CDH12: variants seen among roughly 807,000 people sequenced by gnomAD.
The protein encoded by CDH12 is cadherin 12.
A neutral mutation model predicts 74.1 loss-of-function variants in CDH12; 41 were observed. That is an observed-to-expected ratio of 0.55 (90% CI 0.43 to 0.72). The LOEUF (loss-of-function observed/expected upper bound fraction) is 0.72, where lower values mean the gene tolerates loss of function less well. CDH12 is among the 30% of genes least tolerant of loss of function. The pLI is 0.00. For missense variants in CDH12, 945 were observed against 977.2 expected (o/e 0.97, Z 0.44); for synonymous variants, 399 against 355.0 (o/e 1.12, Z -1.39).
At chr5:21,989,253 GA>G (rs1208303845) in intron 5 of CDH12, among the ~76,000 whole-genome samples, 1 of 152,144 alleles carries the variant, frequency 6.6e-6, no homozygotes, top group Non-Finnish European at 1.5e-5. Flanking sequence ...TACGTTTTAA[GA>G]AATCAAATAA....
At position 22,197,885 on chromosome 5, in the gene CDH12, T is replaced by C. The variant is rs200962280; in HGVS notation, c.-187+14613A>G. ...GCAGAAAATCCTTAAACCTTTCTTATTTTTTTCTTTTCTTATGTATGAGTG... is the reference window on the plus strand; with the variant it reads ...GCAGAAAATCCTTAAACCTTTCTTACTTTTTTCTTTTCTTATGTATGAGTG... On this transcript the variant is annotated intron_variant, in intron 4 of 14. Transcript: ENST00000382254. Among the ~76,000 whole-genome samples the C allele has an allele frequency of 3.3e-5, 5 of 152,272 alleles. 1 individual carries two copies. In the East Asian group the frequency reaches 9.7e-4, roughly 29 times the overall value.
chr5:22,012,538 C>T (rs1182110100), intron 5 of CDH12, among the ~76,000 whole-genome samples: 1 of 152,078 alleles, frequency 6.6e-6, no homozygotes, highest in Non-Finnish European at 1.5e-5. Context: ...AAAGCTTTTA[C>T]TCTGATGTTT....
intron 1 of CDH12, among the ~76,000 whole-genome samples, chr5:22,588,623 A>T (rs767933384): frequency 6.6e-6 from 1 of 152,228 alleles, no homozygotes; most frequent in Non-Finnish European, 1.5e-5. Context: ...AACATTATTT[A>T]TGAGCAGGAG....
chr5:22,711,946 G>A (rs1443918741), intron 1 of CDH12, among the ~76,000 whole-genome samples: 3 of 151,970 alleles, frequency 2.0e-5, no homozygotes, highest in Non-Finnish European at 4.4e-5. Context: ...TACCCTTTAA[G>A]GTCCACATTT....
intron 1 of CDH12, among the ~76,000 whole-genome samples, chr5:22,678,051 G>C (rs942962670): frequency 6.6e-6 from 1 of 151,354 alleles, no homozygotes; most frequent in Non-Finnish European, 1.5e-5. Flanking sequence ...TCATGGGGGG[G>C]GGGGTTAGGA....
intron 1 of CDH12, among the ~76,000 whole-genome samples, chr5:22,552,778 C>T (rs7702614): frequency 0.16 from 24,463 of 151,910 alleles, 2,541 homozygotes; most frequent in East Asian, 0.37. Flanking sequence ...GAGTTTTCAT[C>T]GATCACATTG....
chr5:22,137,302 C>G (rs1746519548), intron 4 of CDH12, among the ~76,000 whole-genome samples: 1 of 152,024 alleles, frequency 6.6e-6, no homozygotes, highest in African/African-American at 2.4e-5. Flanking sequence ...TATATCAGAA[C>G]AGGCCTTCCC....
chr5:22,660,574 GC>G (rs1740296489), intron 1 of CDH12, among the ~76,000 whole-genome samples: 1 of 152,104 alleles, frequency 6.6e-6, no homozygotes, highest in Admixed American at 6.6e-5. Flanking sequence ...ACCACGCCCA[GC>G]TAATTTTTCA....
At chr5:22,040,523 G>C (rs566674602) in intron 5 of CDH12, among the ~76,000 whole-genome samples, 83 of 152,112 alleles carry the variant, frequency 5.5e-4, no homozygotes, top group African/African-American at 1.9e-3. Flanking sequence ...ACTGTCAAAA[G>C]GTAAAGTCCA....
intron 1 of CDH12, among the ~76,000 whole-genome samples, chr5:22,851,818 T>A (rs1231317181): frequency 6.6e-6 from 1 of 152,176 alleles, no homozygotes; most frequent in African/African-American, 2.4e-5. Context: ...GTTGACATAA[T>A]AATAAAAATA....
chr5:22,295,710 A>G (rs1269549346), intron 3 of CDH12, among the ~76,000 whole-genome samples: 2 of 152,174 alleles, frequency 1.3e-5, no homozygotes, highest in Non-Finnish European at 2.9e-5. Flanking sequence ...ATAACTAAAC[A>G]CTAATGACTA....
rs185425652 is a variant in CDH12, at chr5:22,552,295, G to A, written c.-522-46931C>T. Among the ~76,000 whole-genome samples the A allele has an allele frequency of 9.2e-4, 140 of 151,992 alleles. 2 individuals carry two copies. In the Middle Eastern group the frequency reaches 0.01, roughly 11 times the overall value. On this transcript the variant is annotated intron_variant, in intron 1 of 14. Transcript: ENST00000382254. ...TTTTAAAACAAAACAAAACAAAAAC[G>A]AAAACAAACAAACATATCATCATGC... is the stretch of plus-strand genomic sequence containing the variant.
intron 1 of CDH12, among the ~76,000 whole-genome samples, chr5:22,705,530 A>G (rs200563501): frequency 1.3e-5 from 1 of 76,454 alleles, no homozygotes; most frequent in African/African-American, 4.8e-5. Context: ...CACACACACA[A>G]ACACACACCA....
At chr5:22,059,382 T>C (rs942399560) in intron 5 of CDH12, among the ~76,000 whole-genome samples, 5 of 72,518 alleles carry the variant, frequency 6.9e-5, no homozygotes, top group Admixed American at 2.6e-4. Context: ...TATCTATCTA[T>C]CTATCTATCT....
intron 1 of CDH12, among the ~76,000 whole-genome samples, chr5:22,674,245 T>C (rs1741050017): frequency 6.6e-6 from 1 of 152,182 alleles, no homozygotes; most frequent in African/African-American, 2.4e-5. Flanking sequence ...TGGGAGGTAA[T>C]TGAATCATAG....
chr5:21,946,333 TAAAA>T (rs1307859820), intron 6 of CDH12, among the ~76,000 whole-genome samples: 1 of 152,192 alleles, frequency 6.6e-6, no homozygotes, highest in Non-Finnish European at 1.5e-5. Flanking sequence ...TCTAAATGGG[TAAAA>T]TTAAGCATAA....
chr5:22,538,885 AGTTT>A (rs1455546452), intron 1 of CDH12, among the ~76,000 whole-genome samples: 2 of 152,096 alleles, frequency 1.3e-5, no homozygotes, highest in Non-Finnish European at 2.9e-5. Context: ...GTATGCAACT[AGTTT>A]GTTTGTTTAC....
At chr5:22,595,988 G>C (rs972510824) in intron 1 of CDH12, among the ~76,000 whole-genome samples, 1 of 151,186 alleles carries the variant, frequency 6.6e-6, no homozygotes, top group African/African-American at 2.4e-5. Context: ...GGCACCTGTA[G>C]TCCCAGCTAC....
chr5:21,916,224 T>C (rs1754087110), intron 6 of CDH12, among the ~76,000 whole-genome samples: 1 of 152,146 alleles, frequency 6.6e-6, no homozygotes, highest in African/African-American at 2.4e-5. Flanking sequence ...AGACAAGCCA[T>C]ATAGCCACAT....
Sources: allele counts gnomAD v4.1 joint callset (sites outside exome capture counted in the v4.1 genomes callset), GRCh38; gene constraint gnomAD v4.1.1; transcripts MANE v1.5; gene names NCBI Gene and HGNC (gene_info 2026-07-23, HGNC 2026-07-21).